MCC: variants seen among roughly 807,000 people sequenced by gnomAD.
The protein encoded by MCC is MCC regulator of Wnt signaling pathway.
Under a neutral mutation model 116.2 loss-of-function variants are expected in MCC, and 90 were observed. That is an observed-to-expected ratio of 0.77 (90% CI 0.65 to 0.92). The LOEUF (loss-of-function observed/expected upper bound fraction) is 0.92. Ranked by LOEUF, MCC falls within the 40% of genes least tolerant of loss-of-function variation. The probability of loss-of-function intolerance (pLI) is 0.00; values close to 1 mark genes in which losing one functional copy is unlikely to be tolerated. For missense variants in MCC, 1,516 were observed against 1,312.2 expected (o/e 1.16, Z -2.40); for synonymous variants, 578 against 510.5 (o/e 1.13, Z -1.78).
chr5:113,097,538 T>A (rs1318306290), intron 8 of MCC, among the ~76,000 whole-genome samples: 1 of 152,208 alleles, frequency 6.6e-6, no homozygotes, highest in Non-Finnish European at 1.5e-5. Flanking sequence ...TATAAATTCA[T>A]AATAAATATA....
chr5:113,354,398 A>G (rs1768357364), intron 2 of MCC, among the ~76,000 whole-genome samples: 1 of 151,924 alleles, frequency 6.6e-6, no homozygotes, highest in African/African-American at 2.4e-5. Context: ...TTTTTATATT[A>G]TCTCAAATAT....
At chr5:113,124,923 AAAG>A (rs1464166894) in intron 5 of MCC, among the ~76,000 whole-genome samples, 4 of 152,234 alleles carry the variant, frequency 2.6e-5, no homozygotes, top group Admixed American at 2.0e-4. Context: ...GGGAGTGACC[AAAG>A]AAGACCTCCT....
chr5:113,470,423 T>G (rs1772051932), intron 1 of MCC, among the ~76,000 whole-genome samples: 1 of 151,478 alleles, frequency 6.6e-6, no homozygotes. Context: ...AAGTATTTTA[T>G]TTCTCCTTCA....
chr5:113,463,728 A>T (rs1400504267), intron 1 of MCC, among the ~76,000 whole-genome samples: 1 of 152,204 alleles, frequency 6.6e-6, no homozygotes, highest in African/African-American at 2.4e-5. Context: ...GAGATGCAGA[A>T]AAGAGGACCG....
chr5:113,455,368 T>C (rs1771514119), intron 1 of MCC, among the ~76,000 whole-genome samples: 2 of 152,132 alleles, frequency 1.3e-5, no homozygotes. Flanking sequence ...TCTTTTATGC[T>C]GCACTCCCCC....
intron 1 of MCC, among the ~76,000 whole-genome samples, chr5:113,471,063 T>C (rs1772075639): frequency 6.6e-6 from 1 of 152,242 alleles, no homozygotes; most frequent in Non-Finnish European, 1.5e-5. Flanking sequence ...GCGTTGGTTA[T>C]TCTAGTTATC....
intron 3 of MCC, among the ~76,000 whole-genome samples, chr5:113,278,647 CAG>C (rs1317482763): frequency 6.6e-6 from 1 of 152,120 alleles, no homozygotes; most frequent in Non-Finnish European, 1.5e-5. Flanking sequence ...TTGTGAAGTC[CAG>C]AGACAACCAG....
chr5:113,432,582 A>G (rs548031512), intron 1 of MCC: 2 of 152,324 alleles, frequency 1.3e-5, no homozygotes, highest in African/African-American at 4.8e-5. Context: ...TTTTATAGAT[A>G]AAGAAACTGA....
At chr5:113,052,585 C>CTCA (rs562540689) in intron 15 of MCC, among the ~76,000 whole-genome samples, 61 of 152,268 alleles carry the variant, frequency 4.0e-4, no homozygotes, top group Middle Eastern at 6.8e-3. Flanking sequence ...GTGAGTCACC[C>CTCA]CTGAGGGTGT....
chr5:113,473,584 C>T (rs1772153269), intron 1 of MCC, among the ~76,000 whole-genome samples: 1 of 152,082 alleles, frequency 6.6e-6, no homozygotes, highest in Admixed American at 6.5e-5. Context: ...GGGCAACTGT[C>T]CATCAACTTT....
At chr5:113,108,346 A>AG (rs1265538093) in intron 6 of MCC, among the ~76,000 whole-genome samples, 1 of 147,902 alleles carries the variant, frequency 6.8e-6, no homozygotes, top group African/African-American at 2.5e-5. Context: ...AAAAAAAAAA[A>AG]AAAAAAAAAA....
intron 16 of MCC, among the ~76,000 whole-genome samples, chr5:113,046,238 G>A (rs906569446): frequency 2.0e-5 from 3 of 151,770 alleles, no homozygotes; most frequent in Non-Finnish European, 4.4e-5. Context: ...TGTCGCCCAG[G>A]CTGTGGTGCG....
chr5:113,027,603 C>A, intron 18 of MCC, 121 bp from the exon 19 acceptor site: 1 of 909,818 alleles, frequency 1.1e-6, no homozygotes, highest in South Asian at 1.6e-5. Flanking sequence ...CACTCATCCT[C>A]TTCGGTAAGA....
chr5:113,218,793 GA>G (rs1170481715), intron 3 of MCC, among the ~76,000 whole-genome samples: 10 of 151,664 alleles, frequency 6.6e-5, no homozygotes, highest in African/African-American at 1.2e-4. Context: ...TAGACTTGGG[GA>G]AAAAAATCCT....
intron 1 of MCC, among the ~76,000 whole-genome samples, chr5:113,472,700 C>T (rs901388121): frequency 6.6e-6 from 1 of 152,098 alleles, no homozygotes; most frequent in Non-Finnish European, 1.5e-5. Context: ...TTTATATTAA[C>T]AAATAAGGAG....
chr5:113,053,991 C>T, intron 14 of MCC, 32 bp from the exon 15 acceptor site: 1 of 1,492,296 alleles, frequency 6.7e-7, no homozygotes, highest in Non-Finnish European at 9.3e-7. Context: ...GACCCACCAC[C>T]CTGTGTTATT....
chr5:113,299,290 CTCAAAAAAAAAAA>C (rs1766791666), intron 3 of MCC, among the ~76,000 whole-genome samples: 1 of 65,608 alleles, frequency 1.5e-5, no homozygotes, highest in African/African-American at 5.4e-5. Context: ...GAGACTCCGT[CTCAAAAAAAAAAA>C]AAAAAAAAAA....
In MCC at chr5:113,384,423, C is replaced by T. The variant is rs1769198314; in HGVS notation, c.415+545G>A. On this transcript the variant is annotated intron_variant, in intron 2 of 18. Coordinates refer to ENST00000408903, the MANE Select transcript of MCC (RefSeq NM_001085377.2). ...CTAATACGGTGAAACCCCGTCTCTA[C>T]TAAAAATACAAAAAATTAGCTGGGC... Among the ~76,000 whole-genome samples, 4 of 152,132 alleles carry T rather than the reference C, an allele frequency of 2.6e-5. No homozygotes were observed. The South Asian group carries it at 8.3e-4, about 32-fold the overall frequency.
At chr5:113,352,676 G>C (rs1244488288) in intron 2 of MCC, among the ~76,000 whole-genome samples, 1 of 111,138 alleles carries the variant, frequency 9.0e-6, no homozygotes, top group African/African-American at 4.3e-5. Flanking sequence ...GGGGCAGTGG[G>C]AGAAAGGGTT....
Sources: allele counts gnomAD v4.1 joint callset (sites outside exome capture counted in the v4.1 genomes callset), GRCh38; gene constraint gnomAD v4.1.1; transcripts MANE v1.5; gene names NCBI Gene and HGNC (gene_info 2026-07-23, HGNC 2026-07-21).